The following GPAM variants were observed in gnomAD, a reference collection of about 807,000 sequenced individuals.
The protein encoded by GPAM is glycerol-3-phosphate acyltransferase, mitochondrial.
A neutral mutation model predicts 105.0 loss-of-function variants in GPAM; 56 were observed. That is an observed-to-expected ratio of 0.53 (90% CI 0.43 to 0.67). GPAM has a LOEUF of 0.67. Among genes scored for constraint, GPAM ranks in the 30% least tolerant of loss-of-function variants. The pLI is 0.00. For missense variants in GPAM, 855 were observed against 989.8 expected (o/e 0.86, Z 1.83); for synonymous variants, 368 against 354.4 (o/e 1.04, Z -0.43).
upstream of GPAM, among the ~76,000 whole-genome samples, chr10:112,216,838 G>C (rs758791657): frequency 6.6e-6 from 1 of 151,668 alleles, no homozygotes; most frequent in Non-Finnish European, 1.5e-5. Context: ...TGGCCAGGCT[G>C]GTCTCGAACT....
At chr10:112,159,863 A>G in intron 17 of GPAM, 48 bp downstream of exon 17, 1 of 1,594,754 alleles carries the variant, frequency 6.3e-7, no homozygotes, top group Non-Finnish European at 8.6e-7. Context: ...GTTTTCATGA[A>G]AACGCTCAAG....
chr10:112,193,940 A>C (rs1042843317), intron 1 of GPAM, among the ~76,000 whole-genome samples: 1 of 152,234 alleles, frequency 6.6e-6, no homozygotes, highest in Non-Finnish European at 1.5e-5. Context: ...TGAAACTCAT[A>C]TGAACCCTTA....
At chr10:112,158,437 CT>C (rs1564673625) in intron 17 of GPAM, 44 bp from the exon 18 acceptor site, 2 of 1,223,772 alleles carry the variant, frequency 1.6e-6, no homozygotes, top group Non-Finnish European at 2.4e-6. Flanking sequence ...CCATTTTATA[CT>C]TCTTTTTTTA....
In GPAM at chr10:112,202,688, C is replaced by T. The variant is rs991204954; in HGVS notation, n.210+12480G>A. Among the ~76,000 whole-genome samples, 9 of 152,208 alleles carry T rather than the reference C, an allele frequency of 5.9e-5. No individual in the cohort carries two copies. In the East Asian group the frequency reaches 1.5e-3, roughly 26 times the overall value. ...CATAAATTTTCATCTCAAGCATGTC[C>T]AAAATAGTACCAAGCCACTCTGTTA... On this transcript the variant is annotated intron_variant and non_coding_transcript_variant, in intron 1 of 3. Coordinates refer to the GPAM transcript ENST00000480130.
intron 4 of GPAM, 64 bp from the exon 5 acceptor site, chr10:112,178,121 T>C: frequency 2.4e-6 from 2 of 824,632 alleles, no homozygotes; most frequent in South Asian, 1.4e-5. Flanking sequence ...AGAGCTCTCA[T>C]TATGAGTTCT....
At position 112,158,334 on chromosome 10, in the gene GPAM, G is replaced by A. The variant is rs1370394469; in HGVS notation, c.1962C>T (p.Gly654=). ...CTCTTACCTCTGCCACTGTAAGAAT[G>A]CCATACTGGATAAACTTTCCTACTG... ...HETVGKFIQY[G]ILTVAEHDDQ... The change falls in exon 18 of 22, where the codon GGC becomes GGT. Residue 654 remains glycine (G), a synonymous_variant. Transcript: ENST00000348367. 1.3e-6 allele frequency: 2 copies of A among 1,591,340 alleles called. No homozygotes were observed. The highest frequency in any genetic ancestry group is 1.1e-5 in the South Asian group (1 of 90,606).
the GPAM span, among the ~76,000 whole-genome samples, chr10:112,223,904 G>T: frequency 1.3e-5 from 2 of 152,236 alleles, no homozygotes; most frequent in African/African-American, 2.4e-5. Context: ...AGTCATGGAC[G>T]CTTATGGTTG....
At chr10:112,221,683 C>T in the GPAM span, among the ~76,000 whole-genome samples, 1 of 152,150 alleles carries the variant, frequency 6.6e-6, no homozygotes, top group Admixed American at 6.5e-5. Context: ...ATTGTATACC[C>T]CAGAACAGTG....
chr10:112,173,925 G>T, intron 6 of GPAM, 80 bp from the exon 7 acceptor site: 1 of 1,155,382 alleles, frequency 8.7e-7, no homozygotes, highest in Non-Finnish European at 1.3e-6. Context: ...AACTGCAGCT[G>T]TAAATCACAA....
intron 2 of GPAM, 41 bp from the exon 3 acceptor site, chr10:112,181,854 G>A: frequency 3.4e-6 from 3 of 881,442 alleles, no homozygotes; most frequent in Non-Finnish European, 5.8e-6. Flanking sequence ...AAGGAATCGA[G>A]AGAGTAAATA....
At chr10:112,157,159 G>C (rs771770574) in intron 19 of GPAM, 90 bp downstream of exon 19, 104 of 1,131,580 alleles carry the variant, frequency 9.2e-5, no homozygotes, top group Non-Finnish European at 1.4e-4. Context: ...CTTTAGATAA[G>C]AAGACATCAC....
At position 112,152,052 on chromosome 10, in the gene GPAM, C is replaced by A. The variant is rs1846929534; in HGVS notation, c.*1498G>T. The stretch of plus-strand genomic sequence containing the variant: ...CAATGTGAAATATCAATCAGCATCC[C>A]TCCCTCTCCCAAAACACACATTACT... On this transcript the variant is annotated 3_prime_UTR_variant, in exon 22 of 22. Coordinates refer to ENST00000348367, the MANE Select transcript of GPAM (RefSeq NM_001244949.2). 1.1e-5 allele frequency: 11 copies of A among 980,824 alleles called. No individual in the cohort carries two copies. The highest frequency in any genetic ancestry group is 1.7e-5 in the African/African-American group (1 of 57,228). The allele number at this position is 980,824 out of a possible 1,614,324, so 60.8% of individuals were successfully genotyped here. A position where few individuals can be genotyped will look rare whatever the true frequency, so the allele number is the denominator to read the frequency against.
the GPAM span, among the ~76,000 whole-genome samples, chr10:112,221,794 G>A: frequency 4.6e-5 from 7 of 152,188 alleles, no homozygotes; most frequent in East Asian, 7.7e-4. Context: ...TTTCTCATAC[G>A]TGCTATAATC....
At chr10:112,153,704 T>TA in intron 21 of GPAM, 38 bp from the exon 22 acceptor site, 1 of 1,597,978 alleles carries the variant, frequency 6.3e-7, no homozygotes, top group Non-Finnish European at 8.5e-7. Context: ...AGGCAAAAAA[T>TA]AAAAAATAAA....
At chr10:112,179,247 T>G (rs1037240656) in intron 4 of GPAM, among the ~76,000 whole-genome samples, 1 of 152,236 alleles carries the variant, frequency 6.6e-6, no homozygotes, top group East Asian at 1.9e-4. Context: ...TGTTGTACTA[T>G]CTACCTTTAC....
In GPAM at chr10:112,150,319, A is replaced by G. The variant is rs962789959; in HGVS notation, c.*3231T>C. On this transcript the variant is annotated 3_prime_UTR_variant, in exon 22 of 22. Transcript: ENST00000348367. ...CAATACTTTCTTCTAGATCTGAATT[A>G]AAACCTTATTTACCCCAATTCATCC... 1.0e-6 allele frequency: 1 copy of G among 985,132 alleles called. No individual in the cohort carries two copies. The highest frequency in any genetic ancestry group is 1.2e-6 in the Non-Finnish European group (1 of 829,282). The allele number at this position is 985,132 out of a possible 1,614,324, so 61.0% of individuals were successfully genotyped here.
intron 12 of GPAM, 43 bp from the exon 13 acceptor site, chr10:112,164,653 C>T: frequency 1.0e-6 from 1 of 991,712 alleles, no homozygotes. Flanking sequence ...CTCACTTTCG[C>T]ACCAACATAT....
In GPAM at chr10:112,160,705, T is replaced by C; in HGVS notation, c.1658A>G (p.Asp553Gly). ...TGTGCTGGGGGTGATAAAAAACTCA[T>C]CGTTCCTGCTAGTGTGGGTGATTGT... is the stretch of plus-strand genomic sequence containing the variant. ...CVTITHTSRN[D>G]EFFITPSTTV... The change falls in exon 16 of 22, where the codon GAT (aspartate) becomes GGT (glycine). Residue 553 changes from aspartate to glycine, a missense_variant. Coordinates refer to ENST00000348367, the MANE Select transcript of GPAM (RefSeq NM_001244949.2). The C allele has an allele frequency of 1.2e-6, 2 of 1,614,006 alleles. No individual in the cohort carries two copies. The highest frequency in any genetic ancestry group is 1.7e-6 in the Non-Finnish European group (2 of 1,179,888).
chr10:112,163,330 C>A (rs1320735089), intron 14 of GPAM, among the ~76,000 whole-genome samples: 2 of 152,326 alleles, frequency 1.3e-5, no homozygotes, highest in African/African-American at 4.8e-5. Context: ...ATTACAAAAA[C>A]TCATGGGGTC....
Sources: gnomAD v4.1 joint callset for allele counts (sites outside exome capture counted in the v4.1 genomes callset) on GRCh38, gnomAD v4.1.1 for gene constraint, MANE v1.5 for transcripts, NCBI Gene and HGNC (gene_info 2026-07-23, HGNC 2026-07-21) for gene names.